Variants in FSTL5 observed in about 807,000 individuals in gnomAD.
FSTL5 encodes the protein follistatin-related protein 5.
A neutral mutation model predicts 89.1 loss-of-function variants in FSTL5; 62 were observed. That is an observed-to-expected ratio of 0.70 (90% confidence interval 0.57 to 0.86). FSTL5 has a LOEUF of 0.86. FSTL5 is among the 40% of genes least tolerant of loss of function. The probability of loss-of-function intolerance (pLI) is 0.00; values close to 1 mark genes in which losing one functional copy is unlikely to be tolerated. For missense variants in FSTL5, 1,057 were observed against 1,001.6 expected (o/e 1.06, Z -0.75); for synonymous variants, 383 against 346.2 (o/e 1.11, Z -1.18).
Position 161,634,682 on chromosome 4 carries a change from T to TA in FSTL5, c.894+21645dup, listed in dbSNP as rs1180708921. On this transcript the variant is annotated intron_variant, in intron 7 of 15. Transcript: ENST00000306100. ...TATGATTTTACATATATGTGGAATG[T>TA]AAAAAAGCTGAACCAATAATCAGAG... Among the ~76,000 whole-genome samples the TA allele has an allele frequency of 2.0e-5, 3 of 152,116 alleles. No individual in the cohort carries two copies. In the South Asian group the frequency reaches 6.2e-4, roughly 32 times the overall value.
chr4:161,718,331 A>T (rs551697064), intron 6 of FSTL5, among the ~76,000 whole-genome samples: 1 of 152,308 alleles, frequency 6.6e-6, no homozygotes, highest in African/African-American at 2.4e-5. Context: ...ATCTTGGGGC[A>T]ATTTGGAAGA....
chr4:162,131,407 T>G (rs1732297604), intron 1 of FSTL5, among the ~76,000 whole-genome samples: 1 of 152,206 alleles, frequency 6.6e-6, no homozygotes, highest in African/African-American at 2.4e-5. Context: ...GTTGCTTATA[T>G]AAAAAATTTT....
At chr4:161,605,076 T>C (rs1397091377) in intron 7 of FSTL5, among the ~76,000 whole-genome samples, 1 of 152,200 alleles carries the variant, frequency 6.6e-6, no homozygotes, top group Non-Finnish European at 1.5e-5. Context: ...TGTGGTTTAC[T>C]GCAGGCCACA....
intron 7 of FSTL5, among the ~76,000 whole-genome samples, chr4:161,595,530 G>C (rs1733985400): frequency 6.6e-6 from 1 of 152,038 alleles, no homozygotes; most frequent in Admixed American, 6.6e-5. Flanking sequence ...TTTCAAGGTA[G>C]TGCAAATGGG....
chr4:161,866,569 T>A (rs1732099402), intron 4 of FSTL5, among the ~76,000 whole-genome samples: 1 of 151,266 alleles, frequency 6.6e-6, no homozygotes, highest in Non-Finnish European at 1.5e-5. Flanking sequence ...CAGTATCAAC[T>A]CTTTAAGATA....
intron 3 of FSTL5, among the ~76,000 whole-genome samples, chr4:162,030,497 C>T (rs1194520909): frequency 6.6e-6 from 1 of 152,066 alleles, no homozygotes; most frequent in East Asian, 1.9e-4. Flanking sequence ...TTATTTTTAT[C>T]ACTTCTGAAT....
At chr4:161,694,100 A>G (rs1215503699) in intron 6 of FSTL5, among the ~76,000 whole-genome samples, 4 of 150,746 alleles carry the variant, frequency 2.7e-5, no homozygotes, top group Non-Finnish European at 5.9e-5. Context: ...TGTTCTCTCT[A>G]TTGCTTTGCT....
At chr4:161,507,844 T>A (rs1037207408) in intron 11 of FSTL5, among the ~76,000 whole-genome samples, 1 of 151,884 alleles carries the variant, frequency 6.6e-6, no homozygotes, top group Non-Finnish European at 1.5e-5. Flanking sequence ...GGTTTAACAT[T>A]TATAGATGAG....
intron 6 of FSTL5, among the ~76,000 whole-genome samples, chr4:161,757,404 A>G (rs11942167): frequency 0.25 from 37,363 of 151,808 alleles, 7,997 homozygotes; most frequent in African/African-American, 0.58. Flanking sequence ...ATATGTAAAC[A>G]TAAGTTTTTC....
At position 161,522,941 on chromosome 4, in the gene FSTL5, C is replaced by CACTA. The variant is rs200646308; in HGVS notation, c.1313-12518_1313-12517insTAGT. ...TTTGCCCATTTGAATAATTTTTATC[C>CACTA]TCTAATACACTTGAGAAAATTTTAA... On this transcript the variant is annotated intron_variant, in intron 10 of 15. Coordinates refer to ENST00000306100, the MANE Select transcript of FSTL5 (RefSeq NM_020116.5). Among the ~76,000 whole-genome samples the CACTA allele has an allele frequency of 8.0e-3, 1,057 of 132,862 alleles. 9 individuals carry two copies. Among genetic ancestry groups the CACTA allele is most frequent in the African/African-American group, 0.024 (939 of 39,316 alleles). 87.2% of individuals were successfully genotyped at this position (132,862 alleles called of 152,430 possible). A position where few individuals can be genotyped will look rare whatever the true frequency, so the allele number is the denominator to read the frequency against.
At chr4:161,683,565 C>G (rs1560787871) in intron 6 of FSTL5, among the ~76,000 whole-genome samples, 1 of 151,868 alleles carries the variant, frequency 6.6e-6, no homozygotes, top group African/African-American at 2.4e-5. Context: ...ATTTAAAAAT[C>G]CTCTATGGAA....
At chr4:161,789,108 T>C (rs535604023) in intron 4 of FSTL5, among the ~76,000 whole-genome samples, 116 of 152,176 alleles carry the variant, frequency 7.6e-4, no homozygotes, top group Non-Finnish European at 1.1e-3. Flanking sequence ...CTATTTTTTA[T>C]ATATTTGTAT....
Position 161,568,754 on chromosome 4 carries a change from T to C in FSTL5, c.1015+18701A>G, listed in dbSNP as rs1210153071. 5.9e-5 allele frequency among the ~76,000 whole-genome samples: 9 copies of C among 152,204 alleles called. No individual in the cohort carries two copies. In the South Asian group the frequency reaches 1.2e-3, roughly 21 times the overall value. ...GCTTTTGCTATGTTTCTTAACCAGGTCTGTAAGCAGTTTTTTTGTTGTTGT... is the reference window on the plus strand; with the variant it reads ...GCTTTTGCTATGTTTCTTAACCAGGCCTGTAAGCAGTTTTTTTGTTGTTGT... On this transcript the variant is annotated intron_variant, in intron 8 of 15. Transcript: ENST00000306100.
chr4:161,943,935 T>G (rs1202433677), intron 3 of FSTL5, among the ~76,000 whole-genome samples: 1 of 152,160 alleles, frequency 6.6e-6, no homozygotes, highest in Non-Finnish European at 1.5e-5. Context: ...GTTGGCTTCC[T>G]TTTTCCACTG....
At chr4:161,540,198 T>C (rs1045712957) in intron 9 of FSTL5, among the ~76,000 whole-genome samples, 8 of 152,278 alleles carry the variant, frequency 5.3e-5, no homozygotes, top group African/African-American at 1.7e-4. Context: ...GCATCTGGTG[T>C]CCCTGCACCT....
intron 1 of FSTL5, among the ~76,000 whole-genome samples, chr4:162,145,992 A>T (rs1388249125): frequency 6.6e-6 from 1 of 152,182 alleles, no homozygotes; most frequent in Non-Finnish European, 1.5e-5. Flanking sequence ...ACTTAGGAGG[A>T]GATAAACAGA....
At chr4:161,793,466 C>G (rs1179185125) in intron 4 of FSTL5, among the ~76,000 whole-genome samples, 1 of 152,134 alleles carries the variant, frequency 6.6e-6, no homozygotes, top group African/African-American at 2.4e-5. Context: ...ATATTAGTGT[C>G]AGAACAAAGG....
At chr4:161,541,308 A>G (rs1731811651) in intron 9 of FSTL5, among the ~76,000 whole-genome samples, 1 of 152,104 alleles carries the variant, frequency 6.6e-6, no homozygotes, top group Admixed American at 6.6e-5. Context: ...CTGGAGTGTA[A>G]CAACTTCAAA....
intron 8 of FSTL5, among the ~76,000 whole-genome samples, chr4:161,583,271 T>C (rs1733497235): frequency 6.6e-6 from 1 of 152,148 alleles, no homozygotes; most frequent in African/African-American, 2.4e-5. Context: ...CCTCTTCCTG[T>C]TTCCCTGTTG....
Sources: allele counts gnomAD v4.1 joint callset (sites outside exome capture counted in the v4.1 genomes callset), GRCh38; gene constraint gnomAD v4.1.1; transcripts MANE v1.5; gene names NCBI Gene and HGNC (gene_info 2026-07-23, HGNC 2026-07-21).